The following KSR2 variants were observed in gnomAD, a reference collection of about 807,000 sequenced individuals.
KSR2 encodes the protein kinase suppressor of ras 2.
In KSR2, 25 loss-of-function variants were observed where a neutral mutation model predicts 107.8. That is an observed-to-expected ratio of 0.23 (90% confidence interval 0.17 to 0.32). KSR2 has a LOEUF of 0.32. Ranked by LOEUF, KSR2 falls within the 10% of genes least tolerant of loss-of-function variation. KSR2 has a pLI of 1.00. For missense variants in KSR2, 887 were observed against 1,268.9 expected (o/e 0.70, Z 4.57); for synonymous variants, 480 against 507.0 (o/e 0.95, Z 0.71).
intron 14 of KSR2, among the ~76,000 whole-genome samples, chr12:117,516,827 A>G (rs1418139453): frequency 1.3e-5 from 2 of 152,224 alleles, no homozygotes; most frequent in Non-Finnish European, 2.9e-5. Flanking sequence ...TCATGGGAGA[A>G]GAAGATCTAT....
At chr12:117,629,268 A>C (rs1198966410) in intron 5 of KSR2, among the ~76,000 whole-genome samples, 2 of 152,118 alleles carry the variant, frequency 1.3e-5, no homozygotes, top group Non-Finnish European at 2.9e-5. Flanking sequence ...TGTAGAAATC[A>C]CCGTCTTCTG....
At chr12:117,948,975 T>A (rs191018086) in intron 1 of KSR2, among the ~76,000 whole-genome samples, 1,752 of 151,422 alleles carry the variant, frequency 0.012, 25 homozygotes, top group Middle Eastern at 0.086. Flanking sequence ...GTGCCTGTAA[T>A]CCCAGCTACT....
intron 1 of KSR2, among the ~76,000 whole-genome samples, chr12:117,876,581 A>G (rs369118020): frequency 1.3e-5 from 2 of 152,202 alleles, no homozygotes; most frequent in East Asian, 3.8e-4. Context: ...AGCACTTACT[A>G]GACAGCAGGT....
intron 4 of KSR2, among the ~76,000 whole-genome samples, chr12:117,675,814 C>T (rs1885094504): frequency 6.6e-6 from 1 of 152,176 alleles, no homozygotes; most frequent in Non-Finnish European, 1.5e-5. Context: ...GAGGAAATGG[C>T]AGGGCTGGGA....
intron 4 of KSR2, among the ~76,000 whole-genome samples, chr12:117,713,287 C>A (rs1240517276): frequency 6.6e-6 from 1 of 151,708 alleles, no homozygotes; most frequent in African/African-American, 2.4e-5. Context: ...ATAGCTATAT[C>A]AATTATCATT....
chr12:117,469,816 G>A (rs774186021), intron 18 of KSR2, 21 bp from the exon 19 acceptor site: 1 of 1,612,660 alleles, frequency 6.2e-7, no homozygotes, highest in African/African-American at 1.3e-5. Context: ...CCAATGTGTG[G>A]TGATTACACA....
chr12:117,709,986 T>C (rs550230982), intron 4 of KSR2, among the ~76,000 whole-genome samples: 16 of 152,304 alleles, frequency 1.1e-4, no homozygotes, highest in African/African-American at 3.6e-4. Context: ...CTGGTTCTCA[T>C]CCTAACAAAG....
chr12:117,476,334 C>T (rs1871777700), intron 17 of KSR2, 130 bp downstream of exon 17: 2 of 1,150,412 alleles, frequency 1.7e-6, no homozygotes, highest in Non-Finnish European at 2.3e-6. Context: ...CCTCCATTCT[C>T]ACCCAAAAAT....
intron 4 of KSR2, among the ~76,000 whole-genome samples, chr12:117,760,661 T>G (rs1888968796): frequency 6.6e-6 from 1 of 152,218 alleles, no homozygotes; most frequent in Non-Finnish European, 1.5e-5. Context: ...CTTTCAGCTT[T>G]GTGGGCTATT....
chr12:117,494,931 C>T (rs1026234040), intron 14 of KSR2, among the ~76,000 whole-genome samples: 27 of 152,210 alleles, frequency 1.8e-4, no homozygotes, highest in African/African-American at 6.0e-4. Flanking sequence ...GGTAGGACAA[C>T]GTGTGGCATG....
intron 1 of KSR2, among the ~76,000 whole-genome samples, chr12:117,926,902 C>T (rs1289751700): frequency 1.3e-5 from 2 of 152,210 alleles, no homozygotes; most frequent in African/African-American, 2.4e-5. Flanking sequence ...CTTGATCTCT[C>T]TGTGCCTCGG....
intron 4 of KSR2, among the ~76,000 whole-genome samples, chr12:117,700,018 G>A (rs552487): frequency 0.4 from 60,189 of 150,540 alleles, 14,187 homozygotes; most frequent in South Asian, 0.55. Flanking sequence ...GACTGCAGGC[G>A]CCCACCACCA....
At chr12:117,531,442 C>A (rs1252745843) in intron 11 of KSR2, among the ~76,000 whole-genome samples, 1 of 152,142 alleles carries the variant, frequency 6.6e-6, no homozygotes, top group Non-Finnish European at 1.5e-5. Flanking sequence ...AGCACTCCAC[C>A]CTCTCAGGCC....
intron 13 of KSR2, among the ~76,000 whole-genome samples, chr12:117,526,496 T>C (rs1565884357): frequency 6.6e-6 from 1 of 152,182 alleles, no homozygotes; most frequent in Non-Finnish European, 1.5e-5. Context: ...CAGGGGACAT[T>C]GATTTCTCCC....
intron 18 of KSR2, 121 bp from the exon 19 acceptor site, chr12:117,469,916 T>A (rs1871335707): frequency 1.1e-6 from 1 of 912,040 alleles, no homozygotes; most frequent in East Asian, 2.6e-5. Context: ...TCCTCCATCA[T>A]CCATTCATCC....
chr12:117,501,047 G>A (rs1260905478), intron 14 of KSR2, among the ~76,000 whole-genome samples: 1 of 152,234 alleles, frequency 6.6e-6, no homozygotes, highest in Non-Finnish European at 1.5e-5. Context: ...CGGGCCAAAA[G>A]TAGCCCAAAG....
intron 5 of KSR2, among the ~76,000 whole-genome samples, chr12:117,624,720 C>T (rs974682493): frequency 3.9e-5 from 6 of 152,190 alleles, no homozygotes; most frequent in Admixed American, 3.9e-4. Context: ...TCCATATGAA[C>T]CTTAAAGTAG....
chr12:117,749,374 C>T (rs1355577501), intron 4 of KSR2, among the ~76,000 whole-genome samples: 4 of 151,790 alleles, frequency 2.6e-5, no homozygotes, highest in African/African-American at 7.3e-5. Flanking sequence ...TGGGATTCAC[C>T]TTGGGCTCCT....
At chr12:117,964,887 C>T (rs11612735) in intron 1 of KSR2, among the ~76,000 whole-genome samples, 59,916 of 152,030 alleles carry the variant, frequency 0.39, 12,041 homozygotes, top group East Asian at 0.48. Context: ...TATCTTCTGA[C>T]TATGTGCCAT....
Sources: gnomAD v4.1 joint callset for allele counts (sites outside exome capture counted in the v4.1 genomes callset) on GRCh38, gnomAD v4.1.1 for gene constraint, MANE v1.5 for transcripts, NCBI Gene and HGNC (gene_info 2026-07-23, HGNC 2026-07-21) for gene names.